Variants in PAK5 observed in about 807,000 individuals in gnomAD.
PAK5 encodes the protein serine/threonine-protein kinase PAK 5.
Under a neutral mutation model 65.9 loss-of-function variants are expected in PAK5, and 16 were observed. The ratio of observed to expected loss-of-function variants is 0.24; its 90% CI spans 0.16 to 0.37. PAK5 has a LOEUF of 0.37. Ranked by LOEUF, PAK5 falls within the 10% of genes least tolerant of loss-of-function variation. The pLI is 1.00. For missense variants in PAK5, 785 were observed against 903.9 expected (o/e 0.87, Z 1.69); for synonymous variants, 371 against 354.9 (o/e 1.05, Z -0.51).
intron 3 of PAK5, among the ~76,000 whole-genome samples, chr20:9,630,736 G>A (rs2046910376): frequency 6.6e-6 from 1 of 152,214 alleles, no homozygotes; most frequent in African/African-American, 2.4e-5. Context: ...AGGAGCCTAA[G>A]CCACAGAGGG....
At chr20:9,722,608 G>A (rs1406547930) in intron 1 of PAK5, among the ~76,000 whole-genome samples, 1 of 151,926 alleles carries the variant, frequency 6.6e-6, no homozygotes, top group Non-Finnish European at 1.5e-5. Context: ...GCGAGACTCC[G>A]TCTCAAATAA....
At chr20:9,743,391 CA>C (rs33951813) in intron 1 of PAK5, among the ~76,000 whole-genome samples, 2 of 133,566 alleles carry the variant, frequency 1.5e-5, no homozygotes, top group African/African-American at 2.9e-5. Flanking sequence ...GCAAACAAGC[CA>C]AAAAAAAACA....
intron 2 of PAK5, among the ~76,000 whole-genome samples, chr20:9,691,817 G>T (rs918551104): frequency 6.6e-6 from 1 of 152,060 alleles, no homozygotes; most frequent in Non-Finnish European, 1.5e-5. Flanking sequence ...CCCATATTCA[G>T]TCTGCAAGTT....
intron 1 of PAK5, among the ~76,000 whole-genome samples, chr20:9,804,262 C>T (rs1209962945): frequency 6.6e-6 from 1 of 152,162 alleles, no homozygotes; most frequent in African/African-American, 2.4e-5. Flanking sequence ...TGATAAAATA[C>T]AGATTTTCAA....
At chr20:9,647,622 A>G (rs1427801663) in intron 2 of PAK5, among the ~76,000 whole-genome samples, 1 of 152,238 alleles carries the variant, frequency 6.6e-6, no homozygotes, top group African/African-American at 2.4e-5. Flanking sequence ...TTTTTAAATA[A>G]GAGAGTTGCG....
intron 3 of PAK5, among the ~76,000 whole-genome samples, chr20:9,619,813 T>G (rs1478190428): frequency 6.6e-6 from 1 of 152,196 alleles, no homozygotes; most frequent in African/African-American, 2.4e-5. Context: ...CCTTGATTCT[T>G]TGACAGAAGA....
At chr20:9,585,986 A>G (rs1296797072) in intron 3 of PAK5, among the ~76,000 whole-genome samples, 2 of 152,198 alleles carry the variant, frequency 1.3e-5, no homozygotes, top group Non-Finnish European at 2.9e-5. Flanking sequence ...AGAGAGAAAA[A>G]AGAGATAATC....
chr20:9,748,876 C>A (rs939096559), intron 1 of PAK5, among the ~76,000 whole-genome samples: 8 of 152,190 alleles, frequency 5.3e-5, no homozygotes, highest in African/African-American at 1.9e-4. Flanking sequence ...TTTCAAATAG[C>A]CACAGTGGCT....
chr20:9,557,911 G>A (rs1264619172), intron 6 of PAK5, among the ~76,000 whole-genome samples, 177 bp from the exon 7 acceptor site: 1 of 152,102 alleles, frequency 6.6e-6, no homozygotes, highest in East Asian at 1.9e-4. Flanking sequence ...AAAAAGGCTT[G>A]GCACTAAGAA....
intron 1 of PAK5, among the ~76,000 whole-genome samples, chr20:9,830,344 C>G (rs1911683989): frequency 6.6e-6 from 1 of 152,192 alleles, no homozygotes; most frequent in Non-Finnish European, 1.5e-5. Context: ...ACCTGGACAG[C>G]CACAGACATT....
intron 7 of PAK5, among the ~76,000 whole-genome samples, chr20:9,556,536 T>C (rs192297645): frequency 5.6e-4 from 86 of 152,326 alleles, no homozygotes; most frequent in African/African-American, 1.9e-3. Context: ...GCTCCATTCA[T>C]GCCAAGGCCA....
At chr20:9,614,206 G>T (rs1477730867) in intron 3 of PAK5, among the ~76,000 whole-genome samples, 3 of 152,122 alleles carry the variant, frequency 2.0e-5, no homozygotes, top group Admixed American at 6.5e-5. Context: ...ACAAATGAAG[G>T]ATGCTTCTCA....
At position 9,690,878 on chromosome 20, in the gene PAK5, C is replaced by T. The variant is rs949196227; in HGVS notation, c.-12+20408G>A. On this transcript the variant is annotated intron_variant, in intron 2 of 9. Coordinates refer to ENST00000353224, the MANE Select transcript of PAK5 (RefSeq NM_177990.4). ...AAGTGATTCTCCTGCCTCAGCCTCC[C>T]GAGTAGCTGGGATTACAGGTACCCA... Among the ~76,000 whole-genome samples the T allele has an allele frequency of 5.3e-5, 8 of 151,376 alleles. No homozygotes were observed. In the East Asian group the frequency reaches 5.8e-4, roughly 11 times the overall value.
At chr20:9,584,141 C>T (rs760966340) in intron 3 of PAK5, among the ~76,000 whole-genome samples, 1 of 152,100 alleles carries the variant, frequency 6.6e-6, no homozygotes, top group Non-Finnish European at 1.5e-5. Flanking sequence ...CATCCATCCT[C>T]ACCCCACAGA....
intron 2 of PAK5, among the ~76,000 whole-genome samples, chr20:9,690,026 C>A (rs965959859): frequency 4.6e-5 from 7 of 152,176 alleles, no homozygotes; most frequent in African/African-American, 1.4e-4. Flanking sequence ...AAAACATACA[C>A]CTCTCCATCC....
intron 1 of PAK5, among the ~76,000 whole-genome samples, chr20:9,811,518 T>C (rs1010831012): frequency 1.3e-5 from 2 of 152,194 alleles, no homozygotes; most frequent in African/African-American, 4.8e-5. Context: ...AGTGGCACTA[T>C]GACCAGAGGC....
intron 2 of PAK5, among the ~76,000 whole-genome samples, chr20:9,668,434 C>T (rs2047449117): frequency 6.6e-6 from 1 of 152,074 alleles, no homozygotes; most frequent in Admixed American, 6.6e-5. Flanking sequence ...TATGTTTATA[C>T]ACAAAGATGA....
intron 1 of PAK5, among the ~76,000 whole-genome samples, chr20:9,802,740 T>C (rs2049183670): frequency 6.6e-6 from 1 of 151,520 alleles, no homozygotes; most frequent in African/African-American, 2.4e-5. Flanking sequence ...GAGATGTGAT[T>C]GTTCTGCATC....
At chr20:9,601,014 G>A (rs2046350319) in intron 3 of PAK5, among the ~76,000 whole-genome samples, 1 of 152,186 alleles carries the variant, frequency 6.6e-6, no homozygotes, top group Admixed American at 6.5e-5. Flanking sequence ...AGGTAAGTGT[G>A]TGTAAAGTGA....
Sources: gnomAD v4.1 joint callset for allele counts (sites outside exome capture counted in the v4.1 genomes callset) on GRCh38, gnomAD v4.1.1 for gene constraint, MANE v1.5 for transcripts, NCBI Gene and HGNC (gene_info 2026-07-23, HGNC 2026-07-21) for gene names.